ABCD2: variants seen among roughly 807,000 people sequenced by gnomAD.
The protein encoded by ABCD2 is ATP binding cassette subfamily D member 2, also known as ATP-binding cassette sub-family D member 2.
ABCD2 carries 36 observed loss-of-function variants against 70.9 expected under a neutral mutation model. The ratio of observed to expected loss-of-function variants is 0.51; its 90% CI spans 0.39 to 0.67. The LOEUF is 0.67. ABCD2 is among the 30% of genes least tolerant of loss of function. The pLI, the probability that ABCD2 is intolerant of heterozygous loss-of-function variation, is 0.00. For missense variants in ABCD2, 729 were observed against 890.2 expected (o/e 0.82, Z 2.30); for synonymous variants, 304 against 306.9 (o/e 0.99, Z 0.10).
chr12:39,542,616 G>A, the ABCD2 span, among the ~76,000 whole-genome samples: 3 of 152,120 alleles, frequency 2.0e-5, no homozygotes, highest in African/African-American at 7.2e-5. Context: ...TTATTCAAGG[G>A]CTGTTATTTA....
chr12:39,566,113 G>C (rs892673057), intron 9 of ABCD2, among the ~76,000 whole-genome samples: 2 of 152,108 alleles, frequency 1.3e-5, no homozygotes, highest in East Asian at 3.8e-4. Flanking sequence ...GTCTCTGCCC[G>C]GCTTTGGTAT....
In ABCD2 at chr12:39,555,944, C is replaced by T. The variant is rs1441300011; in HGVS notation, c.2004-1813G>A. Among the ~76,000 whole-genome samples the T allele has an allele frequency of 2.6e-5, 4 of 152,200 alleles. No individual in the cohort carries two copies. In the South Asian group the frequency reaches 6.2e-4, roughly 24 times the overall value. On this transcript the variant is annotated intron_variant, in intron 9 of 9. Coordinates refer to ENST00000308666, the MANE Select transcript of ABCD2 (RefSeq NM_005164.4). ...GGATTCCACCCTGACACTGCACCAT[C>T]CACCATCGTCCTGGGCTTAGAGTGC...
chr12:39,602,023 C>A (rs1002219566), intron 5 of ABCD2, among the ~76,000 whole-genome samples: 5 of 151,756 alleles, frequency 3.3e-5, no homozygotes, highest in African/African-American at 1.2e-4. Context: ...AGACTTTCTA[C>A]ATTAATATTA....
intron 6 of ABCD2, among the ~76,000 whole-genome samples, chr12:39,588,636 G>T (rs561833531): frequency 2.0e-4 from 31 of 152,206 alleles, no homozygotes; most frequent in African/African-American, 7.5e-4. Context: ...TGTTCAAACC[G>T]CCAAGTGTTT....
intron 6 of ABCD2, among the ~76,000 whole-genome samples, chr12:39,599,069 TG>T (rs1189865216): frequency 6.6e-6 from 1 of 152,216 alleles, no homozygotes; most frequent in East Asian, 1.9e-4. Context: ...GGATTGCAGT[TG>T]GTTTTTTTGC....
At chr12:39,542,110 T>A in the ABCD2 span, among the ~76,000 whole-genome samples, 1 of 152,196 alleles carries the variant, frequency 6.6e-6, no homozygotes, top group South Asian at 2.1e-4. Context: ...GCTGGATGTT[T>A]ATGTTTCATG....
intron 9 of ABCD2, among the ~76,000 whole-genome samples, chr12:39,564,357 A>T (rs1941309102): frequency 6.6e-6 from 1 of 152,044 alleles, no homozygotes; most frequent in Non-Finnish European, 1.5e-5. Context: ...GTGGTTTTTG[A>T]TTTGCATTGC....
At chr12:39,567,095 A>G (rs982076652) in intron 9 of ABCD2, among the ~76,000 whole-genome samples, 1 of 152,178 alleles carries the variant, frequency 6.6e-6, no homozygotes, top group African/African-American at 2.4e-5. Flanking sequence ...TGCTTAGAAG[A>G]ATGTATATTG....
chr12:39,577,091 AAC>A (rs1566551744), intron 8 of ABCD2, among the ~76,000 whole-genome samples: 1 of 152,142 alleles, frequency 6.6e-6, no homozygotes, highest in African/African-American at 2.4e-5. Context: ...CCAAAATTTT[AAC>A]AGTGTTTAAA....
chr12:39,532,185 G>A, the ABCD2 span, among the ~76,000 whole-genome samples: 2 of 152,178 alleles, frequency 1.3e-5, no homozygotes, highest in Non-Finnish European at 1.5e-5. Context: ...GGCTCATGTG[G>A]GTGGAGATGA....
At chr12:39,563,881 G>T (rs1174145750) in intron 9 of ABCD2, among the ~76,000 whole-genome samples, 5 of 152,012 alleles carry the variant, frequency 3.3e-5, no homozygotes, top group African/African-American at 7.3e-5. Context: ...GTGGTGTTTG[G>T]TTTTTTTGTC....
chr12:39,579,099 C>T (rs1026671503), intron 8 of ABCD2, among the ~76,000 whole-genome samples: 2 of 152,176 alleles, frequency 1.3e-5, no homozygotes, highest in African/African-American at 2.4e-5. Flanking sequence ...CGGTGGCTCA[C>T]GCCTGTAATC....
At chr12:39,589,796 C>T (rs1941720504) in intron 6 of ABCD2, among the ~76,000 whole-genome samples, 1 of 151,908 alleles carries the variant, frequency 6.6e-6, no homozygotes. Context: ...TATTCATAAG[C>T]TTATATATTT....
chr12:39,531,579 C>G, the ABCD2 span, among the ~76,000 whole-genome samples: 1 of 152,212 alleles, frequency 6.6e-6, no homozygotes, highest in Non-Finnish European at 1.5e-5. Context: ...TTAATCTGCT[C>G]TCTCTGGCTG....
chr12:39,618,944 C>T lies in ABCD2; in HGVS notation c.672G>A (p.Leu224=). 2 of 1,614,224 alleles carry T rather than the reference C, an allele frequency of 1.2e-6. No homozygotes were observed. The highest frequency in any genetic ancestry group is 8.5e-7 in the Non-Finnish European group (1 of 1,180,042). The change falls in exon 1 of 10, where the codon TTG becomes TTA. Residue 224 remains leucine (L), a synonymous_variant. Coordinates refer to ENST00000308666, the MANE Select transcript of ABCD2 (RefSeq NM_005164.4). ...IMMFSQSVAH[L]YSNLTKPILD... Reference sequence around the variant, plus strand: ...AAATAGGTTTGGTCAGATTGGAATACAAGTGAGCCACAGATTGGGAGAACA... The same window carrying T: ...AAATAGGTTTGGTCAGATTGGAATATAAGTGAGCCACAGATTGGGAGAACA...
rs935143094 is a variant in ABCD2 at position 39,573,843 on chromosome 12, T to A, written c.1878-2A>T. The A allele has an allele frequency of 1.2e-6, 2 of 1,607,990 alleles. No individual in the cohort carries two copies. Among genetic ancestry groups the A allele is most frequent in the Non-Finnish European group, 1.7e-6 (2 of 1,177,248 alleles). Reference sequence around the variant, plus strand: ...TCATCCAGCAAGGCATATTTTGGTCTTTTAAAAAGTACACACAAAAATTAA... The same window carrying A: ...TCATCCAGCAAGGCATATTTTGGTCATTTAAAAAGTACACACAAAAATTAA... On this transcript the variant is annotated splice_acceptor_variant, in intron 8 of 9. Transcript: ENST00000308666. LOFTEE classifies it high-confidence loss of function.
chr12:39,556,424 G>T (rs1941166537), intron 9 of ABCD2, among the ~76,000 whole-genome samples: 1 of 152,060 alleles, frequency 6.6e-6, no homozygotes, highest in South Asian at 2.1e-4. Flanking sequence ...AATAATGAGT[G>T]AGTTTTCATG....
At position 39,551,278 on chromosome 12, in the gene ABCD2, T is replaced by G. The variant is rs1941083726; in HGVS notation, c.*2634A>C. ...AAGAATGCACATTTTAAACTCAAGC[T>G]CCATAAACTTATAGCTTTTTGTTTG... On this transcript the variant is annotated 3_prime_UTR_variant, in exon 10 of 10. Transcript: ENST00000308666. 1 of 151,734 alleles carries G rather than the reference T, an allele frequency of 6.6e-6. No individual in the cohort carries two copies. The highest frequency in any genetic ancestry group is 1.5e-5 in the Non-Finnish European group (1 of 67,672). The allele number at this position is 151,734 out of a possible 1,614,324, so 9.4% of individuals were successfully genotyped here. A position where few individuals can be genotyped will look rare whatever the true frequency, so the allele number is the denominator to read the frequency against.
At chr12:39,539,080 A>G in the ABCD2 span, among the ~76,000 whole-genome samples, 3 of 152,172 alleles carry the variant, frequency 2.0e-5, no homozygotes, top group African/African-American at 7.2e-5. Flanking sequence ...CTTACACAAG[A>G]ACCCTTCAAT....
Sources: allele counts gnomAD v4.1 joint callset (sites outside exome capture counted in the v4.1 genomes callset), GRCh38; gene constraint gnomAD v4.1.1; transcripts MANE v1.5; gene names NCBI Gene and HGNC (gene_info 2026-07-23, HGNC 2026-07-21).